Variants in FAM78B observed in about 807,000 individuals in gnomAD.
The protein encoded by FAM78B is family with sequence similarity 78 member B.
FAM78B carries 10 observed loss-of-function variants against 20.0 expected under a neutral mutation model. The ratio of observed to expected loss-of-function variants is 0.50; its 90% CI spans 0.31 to 0.85. The LOEUF is 0.85. FAM78B is among the 40% of genes least tolerant of loss of function. The pLI is 0.05. For missense variants in FAM78B, 283 were observed against 345.0 expected, an observed-to-expected ratio of 0.82 and a Z score of 1.42; for synonymous variants, 135 against 132.8, an observed-to-expected ratio of 1.02 and a Z score of -0.12.
In FAM78B at chr1:166,098,569, T is replaced by C. The variant is rs187398505; in HGVS notation, c.264-27806A>G. Among the ~76,000 whole-genome samples, 175 of 151,930 alleles carry C rather than the reference T, an allele frequency of 1.2e-3. 1 individual carries two copies. The highest frequency in any genetic ancestry group is 4.1e-3 in the African/African-American group (171 of 41,436). On this transcript the variant is annotated intron_variant, in intron 1 of 1. Coordinates refer to ENST00000354422, the MANE Select transcript of FAM78B (RefSeq NM_001017961.5). Reference sequence around the variant, plus strand: ...AAAACAATAAAAAATTCAAGAAACTTTGGACACACTTTCAGAAATGTGAAA... The same window carrying C: ...AAAACAATAAAAAATTCAAGAAACTCTGGACACACTTTCAGAAATGTGAAA...
intron 1 of FAM78B, among the ~76,000 whole-genome samples, chr1:166,138,760 C>T (rs1655168336): frequency 1.3e-5 from 2 of 152,208 alleles, no homozygotes; most frequent in African/African-American, 2.4e-5. Context: ...TTTCTGTTCA[C>T]TAGAATGTCA....
chr1:166,074,715 T>C (rs1342563697), intron 1 of FAM78B, among the ~76,000 whole-genome samples: 1 of 152,262 alleles, frequency 6.6e-6, no homozygotes, highest in Non-Finnish European at 1.5e-5. Flanking sequence ...AATAGTATCA[T>C]GCCTTGCACG....
intron 1 of FAM78B, among the ~76,000 whole-genome samples, chr1:166,119,948 C>T (rs1571180403): frequency 6.6e-6 from 1 of 152,114 alleles, no homozygotes; most frequent in Non-Finnish European, 1.5e-5. Flanking sequence ...GAAGATGCGC[C>T]AAGAGAGGCA....
intron 1 of FAM78B, among the ~76,000 whole-genome samples, chr1:166,107,108 A>C (rs1653818751): frequency 6.6e-6 from 1 of 152,172 alleles, no homozygotes; most frequent in African/African-American, 2.4e-5. Flanking sequence ...AAACAAGAAT[A>C]AACCAAACCA....
intron 1 of FAM78B, among the ~76,000 whole-genome samples, chr1:166,088,760 C>T (rs745946894): frequency 5.3e-5 from 8 of 152,110 alleles, no homozygotes; most frequent in Non-Finnish European, 7.4e-5. Context: ...TGGCCAACCA[C>T]GGGGAGGGGC....
intron 1 of FAM78B, among the ~76,000 whole-genome samples, chr1:166,154,116 GC>G (rs1655799717): frequency 2.0e-5 from 3 of 152,218 alleles, no homozygotes; most frequent in African/African-American, 7.2e-5. Context: ...TCCCAGCTGA[GC>G]CCTGCTGTCA....
intron 1 of FAM78B, among the ~76,000 whole-genome samples, chr1:166,124,398 C>T (rs1654569660): frequency 6.6e-6 from 1 of 152,220 alleles, no homozygotes; most frequent in Non-Finnish European, 1.5e-5. Flanking sequence ...ACACGTAGCA[C>T]TTACTATATG....
At chr1:166,102,491 C>A (rs1369618309) in intron 1 of FAM78B, among the ~76,000 whole-genome samples, 2 of 151,730 alleles carry the variant, frequency 1.3e-5, no homozygotes, top group Non-Finnish European at 2.9e-5. Flanking sequence ...AACATAGGCT[C>A]AAAATAAAGG....
downstream of FAM78B, among the ~76,000 whole-genome samples, chr1:166,068,360 T>G (rs1241528958): frequency 6.6e-6 from 1 of 152,240 alleles, no homozygotes; most frequent in African/African-American, 2.4e-5. Flanking sequence ...TATTTCTAAA[T>G]GAATGTCTCC....
intron 1 of FAM78B, among the ~76,000 whole-genome samples, chr1:166,160,401 C>T (rs1002857093): frequency 2.0e-5 from 3 of 152,206 alleles, no homozygotes; most frequent in African/African-American, 7.2e-5. Context: ...CACTTTACAG[C>T]ATGTAGGTGA....
intron 1 of FAM78B, among the ~76,000 whole-genome samples, chr1:166,111,090 C>A (rs745599787): frequency 2.0e-5 from 3 of 152,128 alleles, no homozygotes; most frequent in Non-Finnish European, 4.4e-5. Context: ...GATAAGCTGA[C>A]GGGGCCACTG....
intron 1 of FAM78B, among the ~76,000 whole-genome samples, chr1:166,072,751 A>G (rs1398972117): frequency 6.6e-6 from 1 of 152,222 alleles, no homozygotes; most frequent in Non-Finnish European, 1.5e-5. Context: ...ATTGGAGGGC[A>G]GGTATTCCGA....
chr1:166,101,602 G>C (rs1036068104), intron 1 of FAM78B, among the ~76,000 whole-genome samples: 1 of 152,210 alleles, frequency 6.6e-6, no homozygotes, highest in African/African-American at 2.4e-5. Context: ...CTGGAAGAAA[G>C]GGTATCAGTG....
intron 1 of FAM78B, among the ~76,000 whole-genome samples, chr1:166,160,775 A>T (rs897711256): frequency 2.0e-5 from 3 of 152,266 alleles, no homozygotes; most frequent in Non-Finnish European, 4.4e-5. Context: ...CACTGTTCAT[A>T]AACAAGATGG....
chr1:166,143,254 G>C (rs1010881623), intron 1 of FAM78B, among the ~76,000 whole-genome samples: 1 of 152,130 alleles, frequency 6.6e-6, no homozygotes, highest in Non-Finnish European at 1.5e-5. Flanking sequence ...CTGGGGGAAG[G>C]GTGCCAGGGA....
Position 166,084,068 on chromosome 1 carries a change from T to A in FAM78B, c.264-13305A>T, listed in dbSNP as rs945657749. On this transcript the variant is annotated intron_variant, in intron 1 of 1. Transcript: ENST00000354422. ...CACTTTATTTACATAATAAGGACAC[T>A]GAAGTAGAGAAATGATTCATTCATG... Among the ~76,000 whole-genome samples, 32 of 151,848 alleles carry A rather than the reference T, an allele frequency of 2.1e-4. 1 individual carries two copies. Among genetic ancestry groups the A allele is most frequent in the Admixed American group, 1.8e-3 (28 of 15,232 alleles).
intron 1 of FAM78B, 78 bp downstream of exon 1, chr1:166,165,908 G>A (rs1236611833): frequency 3.5e-5 from 55 of 1,549,450 alleles, no homozygotes; most frequent in Admixed American, 1.7e-5. Flanking sequence ...GTAGGAAGGA[G>A]CTGGGGAGGG....
chr1:166,159,339 C>T lies in FAM78B; in HGVS notation c.263+6647G>A, dbSNP rs140405354. Among the ~76,000 whole-genome samples, 1,008 of 152,200 alleles carry T rather than the reference C, an allele frequency of 6.6e-3. 11 individuals carry two copies. Among genetic ancestry groups the T allele is most frequent in the African/African-American group, 0.024 (979 of 41,516 alleles). On this transcript the variant is annotated intron_variant, in intron 1 of 1. Coordinates refer to ENST00000354422, the MANE Select transcript of FAM78B (RefSeq NM_001017961.5). ...TGGCCTCAGGCAGGTTACCCAACCC[C>T]CTGAGACTCAGTTTCCTCATCAGTA...
intron 1 of FAM78B, among the ~76,000 whole-genome samples, chr1:166,111,172 G>C (rs1341509143): frequency 1.3e-5 from 2 of 152,116 alleles, no homozygotes; most frequent in African/African-American, 4.8e-5. Context: ...ATCTCCTCTG[G>C]GTCAAGCAAC....
Sources: gnomAD v4.1 joint callset for allele counts (sites outside exome capture counted in the v4.1 genomes callset) on GRCh38, gnomAD v4.1.1 for gene constraint, MANE v1.5 for transcripts, NCBI Gene and HGNC (gene_info 2026-07-23, HGNC 2026-07-21) for gene names.